EPG5: variants seen among roughly 807,000 people sequenced by gnomAD.
EPG5 encodes the protein ectopic P-granules 5 autophagy tethering factor.
A neutral mutation model predicts 302.7 loss-of-function variants in EPG5; 159 were observed. That is an observed-to-expected ratio of 0.53 (90% CI 0.46 to 0.60). EPG5 has a LOEUF of 0.60. Ranked by LOEUF, EPG5 falls within the 20% of genes least tolerant of loss-of-function variation. The pLI is 0.00. For synonymous variants in EPG5, 1,158 were observed against 1,136.8 expected, an observed-to-expected ratio of 1.02 and a Z score of -0.37; for missense variants, 2,896 against 3,092.4, an observed-to-expected ratio of 0.94 and a Z score of 1.51.
chr18:45,959,224 C>T (rs1230387881), intron 1 of EPG5, among the ~76,000 whole-genome samples: 2 of 152,164 alleles, frequency 1.3e-5, no homozygotes, highest in African/African-American at 2.4e-5. Context: ...ACATGTAATC[C>T]CAGCTACTCG....
intron 13 of EPG5, 52 bp from the exon 14 acceptor site, chr18:45,925,954 A>G (rs1423104226): frequency 9.2e-7 from 1 of 1,081,460 alleles, no homozygotes; most frequent in Non-Finnish European, 1.2e-6. Flanking sequence ...AAACAATGCT[A>G]TATTACTACA....
At chr18:45,958,068 G>T (rs557422205) in intron 1 of EPG5, among the ~76,000 whole-genome samples, 1 of 152,272 alleles carries the variant, frequency 6.6e-6, no homozygotes, top group South Asian at 2.1e-4. Flanking sequence ...AATGAAATTA[G>T]TAAAACAATT....
At chr18:45,845,361 G>A (rs567050364), downstream of EPG5, among the ~76,000 whole-genome samples, 10 of 152,280 alleles carry the variant, frequency 6.6e-5, no homozygotes, top group Admixed American at 3.3e-4. Flanking sequence ...CTTTAACAAC[G>A]GCACACAGTG....
chr18:45,939,168 T>C (rs574733429), intron 10 of EPG5, among the ~76,000 whole-genome samples: 1 of 152,310 alleles, frequency 6.6e-6, no homozygotes, highest in East Asian at 1.9e-4. Flanking sequence ...CCAAGATCCA[T>C]GACATTCCCA....
intron 24 of EPG5, among the ~76,000 whole-genome samples, chr18:45,904,528 C>A (rs956760242): frequency 2.0e-5 from 3 of 152,008 alleles, no homozygotes; most frequent in Non-Finnish European, 4.4e-5. Flanking sequence ...ATACAGGGGA[C>A]AGAAAAACAT....
intron 6 of EPG5, among the ~76,000 whole-genome samples, chr18:45,947,414 A>G (rs973907155): frequency 2.0e-5 from 3 of 152,158 alleles, no homozygotes; most frequent in Non-Finnish European, 2.9e-5. Flanking sequence ...TCCCTCTCAA[A>G]AAAAAAGAAA....
At chr18:45,833,324 T>A in the EPG5 span, among the ~76,000 whole-genome samples, 1 of 152,062 alleles carries the variant, frequency 6.6e-6, no homozygotes, top group African/African-American at 2.4e-5. Context: ...ATTTTATTAT[T>A]ATTATTATTT....
rs775986925 is a variant in EPG5, at chr18:45,915,567, T to G, written c.3637A>C (p.Ile1213Leu). 1 of 1,614,030 alleles carries G rather than the reference T, an allele frequency of 6.2e-7. No homozygotes were observed. Among genetic ancestry groups the G allele is most frequent in the Non-Finnish European group, 8.5e-7 (1 of 1,180,030 alleles). Reference sequence around the variant, plus strand: ...GAAGGAGTGATGTTGCCTGCCACAATCCAGCTTACCAAAGATGAGAGCAGA... The same window carrying G: ...GAAGGAGTGATGTTGCCTGCCACAAGCCAGCTTACCAAAGATGAGAGCAGA... Reference protein sequence around the residue: ...RSLLSSLVSWIVAGNITPSFV... With the variant: ...RSLLSSLVSWLVAGNITPSFV... The change falls in exon 20 of 44, where the codon ATT becomes CTT. Residue 1213 changes from isoleucine to leucine, a missense_variant. By Grantham distance (5) the Ile-to-Leu change is conservative. Coordinates refer to ENST00000282041, the MANE Select transcript of EPG5 (RefSeq NM_020964.3).
At chr18:45,852,716 G>C in intron 43 of EPG5, 67 bp from the exon 44 acceptor site, 3 of 1,356,944 alleles carry the variant, frequency 2.2e-6, no homozygotes, top group Non-Finnish European at 3.1e-6. Flanking sequence ...CAGAGGTACA[G>C]CACACCCATT....
At chr18:45,883,263 G>A (rs2049138974) in intron 30 of EPG5, among the ~76,000 whole-genome samples, 1 of 151,958 alleles carries the variant, frequency 6.6e-6, no homozygotes, top group African/African-American at 2.4e-5. Context: ...CTTCACTGGC[G>A]ACAGTGCCAC....
At chr18:45,924,370 T>C (rs997067821) in intron 14 of EPG5, among the ~76,000 whole-genome samples, 2 of 152,184 alleles carry the variant, frequency 1.3e-5, no homozygotes, top group Non-Finnish European at 2.9e-5. Flanking sequence ...AGCATGTCAA[T>C]GAGAGAGGGC....
chr18:45,834,748 A>C, the EPG5 span, among the ~76,000 whole-genome samples: 1 of 152,220 alleles, frequency 6.6e-6, no homozygotes, highest in African/African-American at 2.4e-5. Context: ...TGTCCAATAC[A>C]TGTTTGCTGA....
In EPG5 at chr18:45,879,043, C is replaced by A; in HGVS notation, c.5839G>T (p.Ala1947Ser). The A allele has an allele frequency of 1.9e-6, 3 of 1,614,090 alleles. No individual in the cohort carries two copies. Among genetic ancestry groups the A allele is most frequent in the Non-Finnish European group, 2.5e-6 (3 of 1,180,012 alleles). Residue 1947 changes from alanine to serine, a missense_variant, in exon 33 of 44, where the codon GCC (alanine) becomes TCC (serine). By Grantham distance (99) the Ala-to-Ser change is moderately conservative (BLOSUM62 1). Coordinates refer to ENST00000282041, the MANE Select transcript of EPG5 (RefSeq NM_020964.3). ...TTCCTGCTGGCAGTTGGGTCTTGGG[C>A]CAAACAGGTCATTTCTAAGTCAATC... ...RLIDLEMTCL[A>S]QDPTASRKTV...
chr18:45,916,941 G>T (rs2050045839), intron 17 of EPG5: 1 of 163,160 alleles, frequency 6.1e-6, no homozygotes, highest in African/African-American at 2.4e-5. Context: ...CATACCCAGG[G>T]TGCTGATTCT....
chr18:45,837,487 C>A, the EPG5 span: 2 of 1,454,638 alleles, frequency 1.4e-6, no homozygotes, highest in Admixed American at 2.8e-5. Context: ...GGGCCCCGAG[C>A]CTGACGCAGC....
At chr18:45,842,859 C>T (rs1010889597), downstream of EPG5, 8 of 152,550 alleles carry the variant, frequency 5.2e-5, no homozygotes, top group African/African-American at 1.9e-4. Flanking sequence ...ACGGAGAACA[C>T]AGAGTTCCAG....
chr18:45,913,878 G>A, intron 20 of EPG5, 50 bp from the exon 21 acceptor site: 4 of 1,595,426 alleles, frequency 2.5e-6, no homozygotes, highest in East Asian at 2.3e-5. Context: ...TCGCCCCACT[G>A]ACGAAATACA....
At chr18:45,837,399 G>A in the EPG5 span, 1 of 1,357,752 alleles carries the variant, frequency 7.4e-7, no homozygotes, top group Non-Finnish European at 9.6e-7. Context: ...GAGTCCTGGG[G>A]TTTCCAGGCT....
intron 16 of EPG5, among the ~76,000 whole-genome samples, chr18:45,920,534 T>C (rs971745457): frequency 3.3e-5 from 5 of 152,210 alleles, no homozygotes. Flanking sequence ...GGGCATCTGG[T>C]GAGAGCCTCA....
Sources: gnomAD v4.1 joint callset for allele counts (sites outside exome capture counted in the v4.1 genomes callset) on GRCh38, gnomAD v4.1.1 for gene constraint, MANE v1.5 for transcripts, NCBI Gene and HGNC (gene_info 2026-07-23, HGNC 2026-07-21) for gene names.